The following CHP1 variants were observed in gnomAD, a reference collection of about 807,000 sequenced individuals.
The protein encoded by CHP1 is calcineurin B homologous protein 1.
CHP1 carries 11 observed loss-of-function variants against 27.4 expected under a neutral mutation model. That is an observed-to-expected ratio of 0.40 (90% CI 0.25 to 0.67). CHP1 has a LOEUF of 0.67. CHP1 is among the 30% of genes least tolerant of loss of function. The pLI, the probability that CHP1 is intolerant of heterozygous loss-of-function variation, is 0.38. For synonymous variants in CHP1, 89 were observed against 87.4 expected (o/e 1.02, Z -0.10); for missense variants, 169 against 251.3 (o/e 0.67, Z 2.22).
rs551188885 is a variant in CHP1, at chr15:41,263,588, C to T, written c.349+705C>T. 2.6e-5 allele frequency among the ~76,000 whole-genome samples: 4 copies of T among 152,290 alleles called. No individual in the cohort carries two copies. In the East Asian group the frequency reaches 7.7e-4, roughly 29 times the overall value. On this transcript the variant is annotated intron_variant, in intron 4 of 6. Coordinates refer to ENST00000334660, the MANE Select transcript of CHP1 (RefSeq NM_007236.5). ...GAAATTACAGTTGTATTAAAACTGACTGAAGGCTGGGCGCAGTGGCTCATG... is the reference window on the plus strand; with the variant it reads ...GAAATTACAGTTGTATTAAAACTGATTGAAGGCTGGGCGCAGTGGCTCATG...
intron 1 of CHP1, chr15:41,234,029 A>G (rs1459664053): frequency 6.6e-6 from 1 of 152,140 alleles, no homozygotes; most frequent in Non-Finnish European, 1.5e-5. Flanking sequence ...GCTCACTGCA[A>G]GCCTTAAACT....
chr15:41,264,035 G>C (rs1020571986), intron 4 of CHP1: 3 of 430,900 alleles, frequency 7.0e-6, no homozygotes, highest in Non-Finnish European at 1.3e-5. Flanking sequence ...GGTTGATTCT[G>C]TTTCAAGAAC....
chr15:41,242,596 G>A (rs111670869), intron 1 of CHP1, among the ~76,000 whole-genome samples: 1 of 151,740 alleles, frequency 6.6e-6, no homozygotes, highest in Non-Finnish European at 1.5e-5. Context: ...TCCAGCCTGG[G>A]CGACAAAGTT....
chr15:41,254,763 C>T (rs1283443148), intron 2 of CHP1, among the ~76,000 whole-genome samples: 1 of 152,190 alleles, frequency 6.6e-6, no homozygotes, highest in African/African-American at 2.4e-5. Context: ...AACGTTAAAC[C>T]ACAAGAGGAA....
At chr15:41,261,210 A>G (rs1362443218) in intron 3 of CHP1, among the ~76,000 whole-genome samples, 1 of 148,940 alleles carries the variant, frequency 6.7e-6, no homozygotes, top group Non-Finnish European at 1.5e-5. Flanking sequence ...GCTGGAGTGC[A>G]GTGGTGCAAT....
In CHP1 at chr15:41,278,995, G is replaced by A. The variant is rs555551569; in HGVS notation, c.534+106G>A. The A allele has an allele frequency of 1.2e-3, 1,632 of 1,376,410 alleles. 4 individuals carry two copies. The highest frequency in any genetic ancestry group is 2.4e-3 in the Admixed American group (117 of 48,798). The allele number at this position is 1,376,410 out of a possible 1,614,324, so 85.3% of individuals were successfully genotyped here. A position where few individuals can be genotyped will look rare whatever the true frequency, so the allele number is the denominator to read the frequency against. On this transcript the variant is annotated intron_variant, in intron 6 of 6. Coordinates refer to ENST00000334660, the MANE Select transcript of CHP1 (RefSeq NM_007236.5). Reference sequence around the variant, plus strand: ...TAGGAGGCCAAGGTGGGCGGATCACGAGGTCAGGAGTTCAAGACCAGCCTG... The same window carrying A: ...TAGGAGGCCAAGGTGGGCGGATCACAAGGTCAGGAGTTCAAGACCAGCCTG...
intron 6 of CHP1, 129 bp from the exon 7 acceptor site, chr15:41,279,207 C>CTCCAAAAA (rs1230572974): frequency 2.7e-6 from 2 of 738,124 alleles, no homozygotes; most frequent in African/African-American, 3.6e-5. Flanking sequence ...GAGACTCTGC[C>CTCCAAAAA]TCCAAAAAAA....
At chr15:41,266,805 G>A (rs1364838982) in intron 4 of CHP1, among the ~76,000 whole-genome samples, 1 of 152,094 alleles carries the variant, frequency 6.6e-6, no homozygotes, top group Non-Finnish European at 1.5e-5. Flanking sequence ...TTCGAGACCA[G>A]CCTGGCCAAT....
chr15:41,245,321 C>T (rs1481163302), intron 2 of CHP1, among the ~76,000 whole-genome samples: 3 of 150,368 alleles, frequency 2.0e-5, no homozygotes, highest in Non-Finnish European at 4.4e-5. Context: ...ATTAGCGTGG[C>T]GTGGTGGTGG....
Position 41,271,465 on chromosome 15 carries a change from C to T in CHP1, c.411+847C>T, listed in dbSNP as rs540503252. Among the ~76,000 whole-genome samples, 32 of 152,194 alleles carry T rather than the reference C, an allele frequency of 2.1e-4. No individual in the cohort carries two copies. The South Asian group carries it at 6.6e-3, about 32-fold the overall frequency. ...AAATAAGTAAATAAATAAAAGCTAA[C>T]TAAATGGCTTTTAGGTACTGTCTGA... On this transcript the variant is annotated intron_variant, in intron 5 of 6. Transcript: ENST00000334660.
At chr15:41,251,548 C>G (rs949135166) in intron 2 of CHP1, among the ~76,000 whole-genome samples, 12 of 152,138 alleles carry the variant, frequency 7.9e-5, no homozygotes, top group Non-Finnish European at 1.8e-4. Context: ...GAACAGAATG[C>G]AAGTGAGCAT....
intron 3 of CHP1, among the ~76,000 whole-genome samples, chr15:41,257,411 T>C (rs2047405950): frequency 6.6e-6 from 1 of 152,028 alleles, no homozygotes; most frequent in Non-Finnish European, 1.5e-5. Context: ...AAAAATATAA[T>C]GCAAGCCACA....
intron 3 of CHP1, among the ~76,000 whole-genome samples, chr15:41,258,133 TAC>T: frequency 6.6e-6 from 1 of 152,304 alleles, no homozygotes; most frequent in African/African-American, 2.4e-5. Context: ...TACATACACA[TAC>T]ATACATGTAT....
rs1160289435 is a variant in CHP1 at position 41,256,904 on chromosome 15, T to C, written c.141-6T>C. ...TCTATCTAACTCAAGGTGATTCTCT[T>C]GGCAGCCGGGAAGATTTCCAGAGGA... is the stretch of plus-strand genomic sequence containing the variant. On this transcript the variant is annotated splice_region_variant and splice_polypyrimidine_tract_variant and intron_variant, in intron 2 of 6. Coordinates refer to ENST00000334660, the MANE Select transcript of CHP1 (RefSeq NM_007236.5). 1 of 1,613,946 alleles carries C rather than the reference T, an allele frequency of 6.2e-7. No homozygotes were observed. The highest frequency in any genetic ancestry group is 1.7e-5 in the Admixed American group (1 of 60,016).
intron 5 of CHP1, among the ~76,000 whole-genome samples, chr15:41,275,541 A>G (rs1006358427): frequency 6.6e-6 from 1 of 152,160 alleles, no homozygotes; most frequent in Admixed American, 6.6e-5. Flanking sequence ...TCTTTTTAGA[A>G]AATCATGTAA....
intron 4 of CHP1, among the ~76,000 whole-genome samples, chr15:41,267,617 G>A (rs374900740): frequency 4.9e-4 from 74 of 151,192 alleles, no homozygotes; most frequent in Admixed American, 3.3e-3. Context: ...ACCTGAGATC[G>A]CGCCACTGCA....
intron 2 of CHP1, among the ~76,000 whole-genome samples, chr15:41,253,423 GTATTTATTTATTTATT>G (rs71732753): frequency 6.0e-4 from 87 of 145,270 alleles, no homozygotes; most frequent in East Asian, 1.7e-3. Flanking sequence ...AGTTGACAAA[GTATTTATTTATTTATT>G]TATTTATTTA....
chr15:41,241,641 C>T (rs751081836), intron 1 of CHP1, among the ~76,000 whole-genome samples: 5 of 152,238 alleles, frequency 3.3e-5, no homozygotes, highest in South Asian at 2.1e-4. Context: ...ATGCTTTTGC[C>T]TTCTCTGCTC....
chr15:41,231,956 C>G (rs149657224), intron 1 of CHP1, among the ~76,000 whole-genome samples: 1 of 152,030 alleles, frequency 6.6e-6, no homozygotes, highest in African/African-American at 2.4e-5. Context: ...TGTAGTAAGG[C>G]TTTGGGAGAC....
Sources: gnomAD v4.1 joint callset for allele counts (sites outside exome capture counted in the v4.1 genomes callset) on GRCh38, gnomAD v4.1.1 for gene constraint, MANE v1.5 for transcripts, NCBI Gene and HGNC (gene_info 2026-07-23, HGNC 2026-07-21) for gene names.